Variants in RBFOX1 observed in about 807,000 individuals in gnomAD.
The protein encoded by RBFOX1 is RNA binding fox-1 homolog 1.
In RBFOX1, 8 loss-of-function variants were observed where a neutral mutation model predicts 57.7. That is an observed-to-expected ratio of 0.14 (90% CI 0.08 to 0.25). RBFOX1 has a LOEUF of 0.25. RBFOX1 is among the 10% of genes least tolerant of loss of function. The pLI is 1.00. For synonymous variants in RBFOX1, 326 were observed against 222.4 expected (o/e 1.47, Z -4.15); for missense variants, 611 against 548.5 (o/e 1.11, Z -1.14).
intron 1 of RBFOX1, among the ~76,000 whole-genome samples, chr16:5,323,163 G>C (rs1296812962): frequency 2.0e-5 from 3 of 152,204 alleles, no homozygotes; most frequent in African/African-American, 7.2e-5. Flanking sequence ...ATATGACAAA[G>C]TGCTGTATGC....
chr16:6,958,796 T>A (rs573847526), intron 3 of RBFOX1, among the ~76,000 whole-genome samples: 53 of 152,280 alleles, frequency 3.5e-4, no homozygotes, highest in African/African-American at 1.3e-3. Context: ...GAGGCGTGAA[T>A]TGGAAATCGT....
chr16:6,057,308 T>TG (rs2095626626), intron 1 of RBFOX1, among the ~76,000 whole-genome samples: 1 of 152,154 alleles, frequency 6.6e-6, no homozygotes, highest in Non-Finnish European at 1.5e-5. Context: ...GGTTTTTTTT[T>TG]TCTGTCTTTA....
At chr16:6,524,041 G>C (rs555491145) in intron 2 of RBFOX1, among the ~76,000 whole-genome samples, 1 of 152,028 alleles carries the variant, frequency 6.6e-6, no homozygotes, top group Admixed American at 6.6e-5. Context: ...AAATGTACAG[G>C]TAAGTTATTA....
intron 1 of RBFOX1, among the ~76,000 whole-genome samples, chr16:6,121,239 A>G (rs999770031): frequency 6.6e-6 from 1 of 152,144 alleles, no homozygotes; most frequent in African/African-American, 2.4e-5. Context: ...TGGTCAAAAC[A>G]TGAGACTCTA....
intron 3 of RBFOX1, among the ~76,000 whole-genome samples, chr16:5,625,417 C>G (rs545650851): frequency 6.6e-6 from 1 of 152,268 alleles, no homozygotes; most frequent in Admixed American, 6.5e-5. Context: ...ATGGGTCACA[C>G]AGCTCCTCAG....
intron 13 of RBFOX1, among the ~76,000 whole-genome samples, chr16:7,667,958 G>A (rs1267072564): frequency 1.3e-5 from 2 of 152,170 alleles, no homozygotes; most frequent in African/African-American, 4.8e-5. Context: ...ACAGACGTGA[G>A]CCACTGCACC....
At chr16:6,536,118 A>G (rs2096731813) in intron 2 of RBFOX1, among the ~76,000 whole-genome samples, 1 of 152,192 alleles carries the variant, frequency 6.6e-6, no homozygotes, top group South Asian at 2.1e-4. Flanking sequence ...GTAAGTATTG[A>G]TACCCAGGTG....
chr16:7,524,249 A>C (rs1393875785), intron 5 of RBFOX1, among the ~76,000 whole-genome samples: 1 of 152,204 alleles, frequency 6.6e-6, no homozygotes, highest in Non-Finnish European at 1.5e-5. Context: ...AAAGTGCAGA[A>C]TCTGTAAAAG....
chr16:5,504,019 C>T (rs1336680523), intron 2 of RBFOX1, among the ~76,000 whole-genome samples: 1 of 152,168 alleles, frequency 6.6e-6, no homozygotes, highest in Non-Finnish European at 1.5e-5. Flanking sequence ...TACCCTTTGT[C>T]TCTGGGGGGC....
intron 2 of RBFOX1, among the ~76,000 whole-genome samples, chr16:5,575,486 C>T (rs1001347285): frequency 1.3e-5 from 2 of 152,152 alleles, no homozygotes; most frequent in Non-Finnish European, 2.9e-5. Context: ...AAGTGAATTT[C>T]CTTGCCCACA....
intron 3 of RBFOX1, among the ~76,000 whole-genome samples, chr16:6,766,885 A>G (rs554125378): frequency 7.9e-4 from 121 of 152,218 alleles, no homozygotes; most frequent in Non-Finnish European, 1.4e-3. Flanking sequence ...GCAAGTAAAA[A>G]GATACTCAGT....
chr16:5,886,950 A>T (rs540967955), intron 4 of RBFOX1, among the ~76,000 whole-genome samples: 1 of 152,280 alleles, frequency 6.6e-6, no homozygotes, highest in South Asian at 2.1e-4. Context: ...CCCTTAGACC[A>T]GTTTCTCAGC....
At chr16:6,797,090 A>G (rs2084236784) in intron 3 of RBFOX1, among the ~76,000 whole-genome samples, 1 of 152,156 alleles carries the variant, frequency 6.6e-6, no homozygotes, top group South Asian at 2.1e-4. Flanking sequence ...AGAGTAACAC[A>G]TCGATCCTCC....
intron 3 of RBFOX1, among the ~76,000 whole-genome samples, chr16:5,769,493 A>G (rs538545083): frequency 6.6e-6 from 1 of 151,986 alleles, no homozygotes; most frequent in Non-Finnish European, 1.5e-5. Context: ...AATACAAAAA[A>G]AAAAAAAAAA....
At chr16:7,444,093 C>A (rs1290350137) in intron 4 of RBFOX1, among the ~76,000 whole-genome samples, 1 of 152,236 alleles carries the variant, frequency 6.6e-6, no homozygotes, top group Admixed American at 6.5e-5. Flanking sequence ...ATGTGCAAAA[C>A]TCTTGATGAA....
intron 1 of RBFOX1, among the ~76,000 whole-genome samples, chr16:5,420,133 G>C (rs1197830541): frequency 6.6e-6 from 1 of 152,158 alleles, no homozygotes; most frequent in African/African-American, 2.4e-5. Flanking sequence ...ACAGTGACGG[G>C]AAAGTAATAT....
chr16:5,891,248 T>C (rs2151934860), intron 4 of RBFOX1, among the ~76,000 whole-genome samples: 1 of 152,192 alleles, frequency 6.6e-6, no homozygotes, highest in East Asian at 1.9e-4. Flanking sequence ...TGTGAGGCAG[T>C]GGTAGAAGCC....
chr16:5,768,753 T>C (rs939204495), intron 3 of RBFOX1, among the ~76,000 whole-genome samples: 1 of 152,198 alleles, frequency 6.6e-6, no homozygotes, highest in African/African-American at 2.4e-5. Flanking sequence ...CCTTTGCTGC[T>C]TCTGGGGTGC....
chr16:5,769,535 C>T (rs1176587487), intron 3 of RBFOX1, among the ~76,000 whole-genome samples: 1 of 151,506 alleles, frequency 6.6e-6, no homozygotes, highest in African/African-American at 2.4e-5. Context: ...CACCTGTAAT[C>T]CCATCTACTT....
Sources: gnomAD v4.1 joint callset for allele counts (sites outside exome capture counted in the v4.1 genomes callset) on GRCh38, gnomAD v4.1.1 for gene constraint, MANE v1.5 for transcripts, NCBI Gene and HGNC (gene_info 2026-07-23, HGNC 2026-07-21) for gene names.